The following SPAG16 variants were observed in gnomAD, a reference collection of about 807,000 sequenced individuals.
The protein encoded by SPAG16 is sperm associated antigen 16.
Under a neutral mutation model 80.4 loss-of-function variants are expected in SPAG16, and 86 were observed. The observed-to-expected ratio is 1.07, with a 90% confidence interval of 0.90 to 1.28. SPAG16 has a LOEUF of 1.28. Ranked by LOEUF, SPAG16 falls within the 50% of genes most tolerant of loss-of-function variation. The pLI, the probability that SPAG16 is intolerant of heterozygous loss-of-function variation, is 0.00. For synonymous variants in SPAG16, 294 were observed against 265.9 expected (o/e 1.11, Z -1.03); for missense variants, 870 against 765.3 (o/e 1.14, Z -1.61).
intron 10 of SPAG16, among the ~76,000 whole-genome samples, chr2:213,539,608 A>G (rs2076361890): frequency 6.6e-6 from 1 of 152,186 alleles, no homozygotes; most frequent in Admixed American, 6.5e-5. Flanking sequence ...ACTTAAAAAA[A>G]TGCATGATTG....
intron 10 of SPAG16, among the ~76,000 whole-genome samples, chr2:213,583,935 A>C (rs954290879): frequency 1.3e-4 from 20 of 152,214 alleles, no homozygotes; most frequent in Non-Finnish European, 2.9e-5. Flanking sequence ...ACGTGAGTGC[A>C]GTTTCTTTCA....
intron 10 of SPAG16, among the ~76,000 whole-genome samples, chr2:213,655,732 T>C (rs1452899711): frequency 6.6e-6 from 1 of 152,170 alleles, no homozygotes; most frequent in African/African-American, 2.4e-5. Context: ...CCTTGGTTGA[T>C]CAAATCCTAT....
chr2:213,734,081 A>C (rs909568416), intron 10 of SPAG16, among the ~76,000 whole-genome samples: 3 of 152,146 alleles, frequency 2.0e-5, no homozygotes, highest in Non-Finnish European at 4.4e-5. Context: ...CTCTGTCTAA[A>C]TTCTGGGGAA....
At chr2:214,282,837 A>C (rs559903880) in intron 15 of SPAG16, among the ~76,000 whole-genome samples, 10 of 152,326 alleles carry the variant, frequency 6.6e-5, no homozygotes, top group Non-Finnish European at 1.5e-4. Flanking sequence ...ACTGTGAGAC[A>C]CTATGTAGGT....
At chr2:213,551,139 T>C (rs1018758417) in intron 10 of SPAG16, among the ~76,000 whole-genome samples, 1 of 152,182 alleles carries the variant, frequency 6.6e-6, no homozygotes, top group African/African-American at 2.4e-5. Flanking sequence ...GTTTTCTTCA[T>C]GTTCCAAAAA....
At chr2:213,930,734 G>T (rs532367638) in intron 12 of SPAG16, among the ~76,000 whole-genome samples, 3 of 152,080 alleles carry the variant, frequency 2.0e-5, no homozygotes, top group African/African-American at 4.8e-5. Flanking sequence ...TTCAAATATT[G>T]AAATTACTAT....
chr2:214,325,828 A>G lies in SPAG16; in HGVS notation c.1721-84312A>G, dbSNP rs185891874. On this transcript the variant is annotated intron_variant, in intron 15 of 15. Transcript: ENST00000331683. ...ATACTGAGATAAAAAGCAGAAAAGG[A>G]AATAGAGATATTGATTTTAAAGGAA... is the stretch of plus-strand genomic sequence containing the variant. Among the ~76,000 whole-genome samples the G allele has an allele frequency of 3.3e-5, 5 of 152,278 alleles. No homozygotes were observed. The East Asian group carries it at 9.6e-4, about 29-fold the overall frequency.
intron 10 of SPAG16, among the ~76,000 whole-genome samples, chr2:213,618,251 G>A (rs1261829159): frequency 4.6e-5 from 7 of 151,892 alleles, no homozygotes. Flanking sequence ...TTGTATTTCC[G>A]CTCAAATGGC....
At chr2:213,371,976 C>T (rs1262245067) in intron 8 of SPAG16, among the ~76,000 whole-genome samples, 9 of 151,966 alleles carry the variant, frequency 5.9e-5, no homozygotes, top group African/African-American at 2.2e-4. Context: ...AGAAAAATTT[C>T]TGGGAGAAAC....
intron 13 of SPAG16, among the ~76,000 whole-genome samples, chr2:214,084,345 T>C (rs973769489): frequency 6.6e-6 from 1 of 152,042 alleles, no homozygotes; most frequent in Non-Finnish European, 1.5e-5. Flanking sequence ...ATTCTGTTAC[T>C]CTTTGAAATG....
chr2:213,984,491 G>A (rs1164610806), intron 12 of SPAG16, among the ~76,000 whole-genome samples: 2 of 152,030 alleles, frequency 1.3e-5, no homozygotes, highest in Admixed American at 6.6e-5. Flanking sequence ...CTCTACCTTA[G>A]TAAAACAATT....
chr2:213,288,477 T>A (rs2062142147), intron 1 of SPAG16, among the ~76,000 whole-genome samples: 1 of 151,072 alleles, frequency 6.6e-6, no homozygotes, highest in Admixed American at 6.6e-5. Context: ...GCTAATTTTT[T>A]TTTTTTTGTA....
At position 213,532,703 on chromosome 2, in the gene SPAG16, C is replaced by T. The variant is rs551027923; in HGVS notation, c.1070+42613C>T. 4.6e-5 allele frequency among the ~76,000 whole-genome samples: 7 copies of T among 150,860 alleles called. No individual in the cohort carries two copies. In the South Asian group the frequency reaches 6.2e-4, roughly 13 times the overall value. ...ATCTCGAACTCCTGACCTCAGGATC[C>T]GCCCGCCTCGGCCTCCCAAAGTGCT... On this transcript the variant is annotated intron_variant, in intron 10 of 15. Transcript: ENST00000331683.
chr2:214,235,039 T>C (rs1370012440), intron 15 of SPAG16, among the ~76,000 whole-genome samples: 2 of 152,166 alleles, frequency 1.3e-5, no homozygotes, highest in Non-Finnish European at 2.9e-5. Context: ...ATTATGACCC[T>C]CTTGAAAATA....
chr2:213,309,811 A>G (rs1161670828), intron 3 of SPAG16, among the ~76,000 whole-genome samples: 3 of 152,030 alleles, frequency 2.0e-5, no homozygotes, highest in Admixed American at 6.6e-5. Flanking sequence ...GTCATAGTAT[A>G]TGTTTTTTAT....
intron 15 of SPAG16, among the ~76,000 whole-genome samples, chr2:214,369,492 C>T (rs1699683083): frequency 1.3e-5 from 2 of 152,064 alleles, no homozygotes; most frequent in Admixed American, 1.3e-4. Flanking sequence ...GCTTCTACCT[C>T]CTTCTCCACT....
intron 15 of SPAG16, among the ~76,000 whole-genome samples, chr2:214,260,171 T>A (rs1691033293): frequency 6.6e-6 from 1 of 152,046 alleles, no homozygotes; most frequent in African/African-American, 2.4e-5. Context: ...AAAGGAAATA[T>A]AATTTTTAAA....
At chr2:213,700,168 C>T (rs966170705) in intron 10 of SPAG16, among the ~76,000 whole-genome samples, 1 of 151,498 alleles carries the variant, frequency 6.6e-6, no homozygotes, top group African/African-American at 2.4e-5. Flanking sequence ...GAGCAAATGT[C>T]AATCTAAGCA....
At chr2:213,548,969 A>G (rs924913075) in intron 10 of SPAG16, among the ~76,000 whole-genome samples, 1 of 151,576 alleles carries the variant, frequency 6.6e-6, no homozygotes, top group Non-Finnish European at 1.5e-5. Flanking sequence ...ATGCCACTTT[A>G]TTTTTTTTCC....
Sources: gnomAD v4.1 joint callset for allele counts (sites outside exome capture counted in the v4.1 genomes callset) on GRCh38, gnomAD v4.1.1 for gene constraint, MANE v1.5 for transcripts, NCBI Gene and HGNC (gene_info 2026-07-23, HGNC 2026-07-21) for gene names.